XK: variants seen among roughly 807,000 people sequenced by gnomAD.
The protein encoded by XK is X-linked Kx blood group antigen, Kell and VPS13A binding protein.
A neutral mutation model predicts 14.0 loss-of-function variants in XK; 2 were observed. That is an observed-to-expected ratio of 0.14 (90% confidence interval 0.06 to 0.45). XK has a LOEUF of 0.45. XK is among the 20% of genes least tolerant of loss of function. The pLI is 0.98. For synonymous variants in XK, 149 were observed against 147.5 expected, an observed-to-expected ratio of 1.01 and a Z score of -0.08; for missense variants, 235 against 341.5, an observed-to-expected ratio of 0.69 and a Z score of 2.46.
At chrX:37,716,091 G>A (rs782119862) in intron 2 of XK, among the ~76,000 whole-genome samples, 2 of 112,165 alleles carry the variant, frequency 1.8e-5, no homozygotes, top group African/African-American at 3.2e-5. Flanking sequence ...AGGGAAACGT[G>A]TAACTGCTGC....
At chrX:37,720,476 G>A (rs896396171) in intron 2 of XK, among the ~76,000 whole-genome samples, 9 of 110,910 alleles carry the variant, frequency 8.1e-5, no homozygotes, top group East Asian at 2.8e-4. Flanking sequence ...TTAAATGTTT[G>A]TTGATGGCCA....
At chrX:37,705,955 T>A (rs1226603258) in intron 2 of XK, among the ~76,000 whole-genome samples, 6 of 108,477 alleles carry the variant, frequency 5.5e-5, no homozygotes, top group Non-Finnish European at 1.1e-4. Flanking sequence ...CTAACTTATG[T>A]TGCCCAGGCT....
rs1290236099 is a variant in XK at position 37,719,037 on chromosome X, T to A, written c.509-8599T>A. ...TTTAACATCTCTCCTTTAGTGCAGATCTGCTGGTGACAAATTCCCTCTCCT... is the reference window on the plus strand; with the variant it reads ...TTTAACATCTCTCCTTTAGTGCAGAACTGCTGGTGACAAATTCCCTCTCCT... On this transcript the variant is annotated intron_variant, in intron 2 of 2. Coordinates refer to ENST00000378616, the MANE Select transcript of XK (RefSeq NM_021083.4). Among the ~76,000 whole-genome samples the A allele has an allele frequency of 3.6e-5, 4 of 111,463 alleles. No individual in the cohort carries two copies. The Admixed American group carries it at 3.8e-4, about 11-fold the overall frequency.
chrX:37,700,910 GA>G (rs1343933973), intron 2 of XK, among the ~76,000 whole-genome samples: 2 of 110,077 alleles, frequency 1.8e-5, no homozygotes, highest in Non-Finnish European at 3.8e-5. Context: ...GAGTGATGGG[GA>G]AAACATAAGG....
At chrX:37,718,214 C>T (rs1387605581) in intron 2 of XK, among the ~76,000 whole-genome samples, 12 of 111,310 alleles carry the variant, frequency 1.1e-4, no homozygotes, top group Admixed American at 7.6e-4. Flanking sequence ...CCCCAAAAGA[C>T]TCCTTATGTT....
At position 37,716,806 on chromosome X, in the gene XK, G is replaced by T. The variant is rs782364745; in HGVS notation, c.509-10830G>T. On this transcript the variant is annotated intron_variant, in intron 2 of 2. Transcript: ENST00000378616. ...ATCTAAAGGAAGAGTTTTTTTGTTT[G>T]TTTGTTTGTTTTTTTGGTGTAACTC... Among the ~76,000 whole-genome samples, 11 of 111,640 alleles carry T rather than the reference G, an allele frequency of 9.9e-5. No homozygotes were observed. In the East Asian group the frequency reaches 3.1e-3, roughly 31 times the overall value.
chrX:37,714,520 C>G (rs1200895464), intron 2 of XK, among the ~76,000 whole-genome samples: 2 of 110,965 alleles, frequency 1.8e-5, no homozygotes, highest in Non-Finnish European at 3.8e-5. Context: ...AAAGGACTTA[C>G]CTGGGGAGAA....
At chrX:37,696,587 C>T (rs1318472287) in intron 2 of XK, among the ~76,000 whole-genome samples, 1 of 112,722 alleles carries the variant, frequency 8.9e-6, no homozygotes, top group Non-Finnish European at 1.9e-5. Flanking sequence ...AAGGGTAAGA[C>T]CCTTATGAAT....
chrX:37,713,981 G>A (rs1308989765), intron 2 of XK, among the ~76,000 whole-genome samples: 2 of 111,591 alleles, frequency 1.8e-5, no homozygotes, highest in Non-Finnish European at 3.8e-5. Flanking sequence ...GAAGAAGAGA[G>A]GAAGGATACC....
chrX:37,701,413 C>T (rs1401944679), intron 2 of XK, among the ~76,000 whole-genome samples: 1 of 112,564 alleles, frequency 8.9e-6, no homozygotes, highest in Non-Finnish European at 1.9e-5. Flanking sequence ...AGCAATCTGT[C>T]CCCTTGCCTG....
At chrX:37,703,588 G>T (rs1232092410) in intron 2 of XK, among the ~76,000 whole-genome samples, 1 of 111,923 alleles carries the variant, frequency 8.9e-6, no homozygotes, top group African/African-American at 3.2e-5. Flanking sequence ...GGGTAAATAG[G>T]GTTCAGAGTA....
At position 37,727,767 on chromosome X, in the gene XK, T is replaced by C; in HGVS notation, c.640T>C (p.Trp214Arg). The change falls in exon 3 of 3, where the codon TGG becomes CGG. Residue 214 changes from tryptophan to arginine, a missense_variant. Trp to Arg is a moderately radical substitution (Grantham distance 101). Coordinates refer to ENST00000378616, the MANE Select transcript of XK (RefSeq NM_021083.4). ...TCTGGCCTATGTCTGTATCTTCCTG[T>C]GGAGGAGCTTTGAGATTGCCACTCG... The part of the protein sequence containing the change: ...KPLAYVCIFL[W>R]RSFEIATRVV... 1 of 1,211,397 alleles carries C rather than the reference T, an allele frequency of 8.3e-7. No individual in the cohort carries two copies. Among genetic ancestry groups the C allele is most frequent in the Non-Finnish European group, 1.1e-6 (1 of 895,355 alleles).
intron 1 of XK, among the ~76,000 whole-genome samples, chrX:37,688,214 C>G (rs1303528779): frequency 9.2e-6 from 1 of 108,776 alleles, no homozygotes; most frequent in Non-Finnish European, 1.9e-5. Context: ...GCGCCCGCCA[C>G]CACGCCCGGC....
Position 37,728,348 on chromosome X carries a change from G to A in XK, c.1221G>A (p.Pro407=), listed in dbSNP as rs371621478. The A allele has an allele frequency of 6.5e-5, 79 of 1,208,605 alleles. 1 individual carries two copies. Among genetic ancestry groups the A allele is most frequent in the East Asian group, 3.9e-4 (13 of 33,708 alleles). Residue 407 remains proline (P), a synonymous_variant, in exon 3 of 3, where the codon CCG becomes CCA. Coordinates refer to ENST00000378616, the MANE Select transcript of XK (RefSeq NM_021083.4). ...WACRQQKPCE[P]IGKEDLQSSR... is the part of the protein sequence containing the mutation. ...GCAGGCAGCAAAAACCCTGTGAGCC[G>A]ATAGGAAAGGAAGATCTACAGTCAT...
intron 1 of XK, 36 bp from the exon 2 acceptor site, chrX:37,694,250 G>C: frequency 3.3e-6 from 4 of 1,208,632 alleles, no homozygotes; most frequent in Non-Finnish European, 4.5e-6. Context: ...AATCCTGTCT[G>C]TCTCTAATTA....
At chrX:37,688,079 G>C (rs868950187) in intron 1 of XK, among the ~76,000 whole-genome samples, 1 of 16,196 alleles carries the variant, frequency 6.2e-5, no homozygotes, top group Non-Finnish European at 1.9e-4. Flanking sequence ...TTTTTTTTTT[G>C]AGACGGAGTC....
chrX:37,723,015 T>C (rs1402411285), intron 2 of XK, among the ~76,000 whole-genome samples: 1 of 111,819 alleles, frequency 8.9e-6, no homozygotes, highest in African/African-American at 3.2e-5. Context: ...GAGGAAGCTT[T>C]AGAAGTATGC....
In XK at chrX:37,686,174, G is replaced by A. The variant is rs1927070191; in HGVS notation, c.213G>A (p.Leu71=). The A allele has an allele frequency of 1.7e-6, 2 of 1,208,167 alleles. No individual in the cohort carries two copies. The change falls in exon 1 of 3, where the codon CTG becomes CTA. Residue 71 remains leucine, a synonymous_variant. Transcript: ENST00000378616. ...DLSRDRPLVL[L]LHLLQLGPLF... ...GCCGCGACCGCCCGCTCGTACTGCT[G>A]CTGCACCTGCTGCAACTTGGGCCCC...
At position 37,686,071 on chromosome X, in the gene XK, A is replaced by C. The variant is rs1187940445; in HGVS notation, c.110A>C (p.Gln37Pro). The change falls in exon 1 of 3, where the codon CAG (glutamine) becomes CCG (proline). Residue 37 changes from glutamine to proline, a missense_variant. Physicochemically the swap from Gln to Pro is moderately conservative, Grantham distance 76. Coordinates refer to ENST00000378616, the MANE Select transcript of XK (RefSeq NM_021083.4). ...CGCTCGGGCGGGGACCGCATGTGGC[A>C]GGCGCTGACGTTGCTTTTCTCGCTA... ...TYRSGGDRMWQALTLLFSLLP... is the reference protein window; with the variant it reads ...TYRSGGDRMWPALTLLFSLLP... The C allele has an allele frequency of 3.3e-6, 4 of 1,210,982 alleles. No individual in the cohort carries two copies. Among genetic ancestry groups the C allele is most frequent in the Non-Finnish European group, 4.5e-6 (4 of 895,403 alleles).
Sources: allele counts gnomAD v4.1 joint callset (sites outside exome capture counted in the v4.1 genomes callset), GRCh38; gene constraint gnomAD v4.1.1; transcripts MANE v1.5; gene names NCBI Gene and HGNC (gene_info 2026-07-23, HGNC 2026-07-21).